Variants in RANBP2 observed in about 807,000 individuals in gnomAD.
RANBP2 encodes RAN binding protein 2, also known as E3 SUMO-protein ligase RanBP2.
A neutral mutation model predicts 303.6 loss-of-function variants in RANBP2; 57 were observed. The observed-to-expected ratio is 0.19, with a 90% CI of 0.15 to 0.23. The LOEUF is 0.23. Ranked by LOEUF, RANBP2 falls within the 10% of genes least tolerant of loss-of-function variation. RANBP2 has a pLI of 1.00. For missense variants in RANBP2, 3,138 were observed against 3,780.8 expected, an observed-to-expected ratio of 0.83 and a Z score of 4.46; for synonymous variants, 1,167 against 1,301.5, an observed-to-expected ratio of 0.90 and a Z score of 2.23.
the RANBP2 span, among the ~76,000 whole-genome samples, chr2:109,408,803 G>A: frequency 6.6e-6 from 1 of 152,238 alleles, no homozygotes; most frequent in African/African-American, 2.4e-5. Context: ...GATGAATATT[G>A]TGCCTTTTAT....
chr2:109,536,388 CTTTAAGA>C, the RANBP2 span, among the ~76,000 whole-genome samples: 1 of 152,210 alleles, frequency 6.6e-6, no homozygotes, highest in Non-Finnish European at 1.5e-5. Context: ...CGTTTTGGAG[CTTTAAGA>C]TTTGACTGCC....
the RANBP2 span, among the ~76,000 whole-genome samples, chr2:109,685,975 T>C: frequency 6.6e-6 from 1 of 152,218 alleles, no homozygotes; most frequent in Admixed American, 6.5e-5. Flanking sequence ...TGTTTAAAAA[T>C]GCCTGGAAAA....
At chr2:109,247,011 C>G in the RANBP2 span, among the ~76,000 whole-genome samples, 2 of 152,194 alleles carry the variant, frequency 1.3e-5, no homozygotes, top group Non-Finnish European at 2.9e-5. Context: ...CTGGTCGGAC[C>G]CTCACTTTTT....
At chr2:108,733,608 T>G (rs1695348255) in intron 4 of RANBP2, among the ~76,000 whole-genome samples, 1 of 152,216 alleles carries the variant, frequency 6.6e-6, no homozygotes, top group Non-Finnish European at 1.5e-5. Flanking sequence ...ATTTTAAATA[T>G]TAATCTAAAA....
chr2:109,726,316 A>C, the RANBP2 span, among the ~76,000 whole-genome samples: 4 of 151,990 alleles, frequency 2.6e-5, no homozygotes, highest in African/African-American at 7.2e-5. Context: ...AAGCTGAGGC[A>C]AGAGAATCGC....
the RANBP2 span, chr2:109,251,752 T>TC: frequency 1.7e-6 from 1 of 604,974 alleles, no homozygotes; most frequent in East Asian, 2.8e-5. Context: ...AGACTTTTTG[T>TC]TAAATAAACT....
At chr2:109,491,487 G>A in the RANBP2 span, among the ~76,000 whole-genome samples, 2 of 152,252 alleles carry the variant, frequency 1.3e-5, no homozygotes, top group South Asian at 2.1e-4. Flanking sequence ...CATTCATTTC[G>A]ATGCTTACTA....
At chr2:109,604,694 C>G in the RANBP2 span, 2 of 147,456 alleles carry the variant, frequency 1.4e-5, no homozygotes, top group Non-Finnish European at 3.0e-5. Flanking sequence ...GCCACTCCAG[C>G]CTGGGTGACA....
chr2:109,340,443 A>G, the RANBP2 span, among the ~76,000 whole-genome samples: 1 of 152,186 alleles, frequency 6.6e-6, no homozygotes, highest in African/African-American at 2.4e-5. Flanking sequence ...GAGAAGGTTT[A>G]CACCCAAGGA....
the RANBP2 span, among the ~76,000 whole-genome samples, chr2:109,324,947 C>T: frequency 6.6e-6 from 1 of 152,166 alleles, no homozygotes; most frequent in African/African-American, 2.4e-5. Context: ...ACAGTAATGA[C>T]TAGTATAGAC....
chr2:109,161,810 C>T, the RANBP2 span, among the ~76,000 whole-genome samples: 351 of 152,112 alleles, frequency 2.3e-3, 2 homozygotes, highest in African/African-American at 7.9e-3. Context: ...TTAATCTATT[C>T]ATAGGGGATG....
chr2:108,809,560 T>C, the RANBP2 span, among the ~76,000 whole-genome samples: 1 of 151,978 alleles, frequency 6.6e-6, no homozygotes, highest in East Asian at 1.9e-4. Context: ...GTTAAATTTA[T>C]TCCCAGCTAT....
the RANBP2 span, among the ~76,000 whole-genome samples, chr2:109,526,844 TAGG>T: frequency 6.6e-6 from 1 of 152,120 alleles, no homozygotes; most frequent in Non-Finnish European, 1.5e-5. Context: ...GCTTCCTCTC[TAGG>T]AGACCCTCTC....
the RANBP2 span, among the ~76,000 whole-genome samples, chr2:109,672,948 T>C: frequency 1.3e-5 from 2 of 152,210 alleles, no homozygotes; most frequent in African/African-American, 2.4e-5. Context: ...CCTTTGTTTA[T>C]AGGTTGTTTG....
the RANBP2 span, among the ~76,000 whole-genome samples, chr2:109,025,738 C>T: frequency 2.0e-5 from 3 of 149,190 alleles, no homozygotes; most frequent in Non-Finnish European, 4.4e-5. Context: ...GCAGAGCTTG[C>T]AGTGAGCCGA....
At chr2:109,669,764 C>G in the RANBP2 span, among the ~76,000 whole-genome samples, 1 of 152,172 alleles carries the variant, frequency 6.6e-6, no homozygotes, top group East Asian at 1.9e-4. Context: ...AGGCCTGGAC[C>G]CCTCCCTCAG....
At chr2:109,607,413 C>T in the RANBP2 span, among the ~76,000 whole-genome samples, 1 of 152,096 alleles carries the variant, frequency 6.6e-6, no homozygotes, top group African/African-American at 2.4e-5. Flanking sequence ...ATGGATCATG[C>T]ATTCTCAATG....
the RANBP2 span, among the ~76,000 whole-genome samples, chr2:109,385,258 C>T: frequency 7.2e-5 from 11 of 152,186 alleles, no homozygotes; most frequent in African/African-American, 2.7e-4. Flanking sequence ...AAATTGGAGA[C>T]ATAGTGAAGT....
the RANBP2 span, chr2:108,804,899 C>T: frequency 6.4e-7 from 1 of 1,550,676 alleles, no homozygotes; most frequent in Non-Finnish European, 8.7e-7. Flanking sequence ...CAGCATGATG[C>T]AGAAGTTGAA....
Sources: allele counts gnomAD v4.1 joint callset (sites outside exome capture counted in the v4.1 genomes callset), GRCh38; gene constraint gnomAD v4.1.1; transcripts MANE v1.5; gene names NCBI Gene and HGNC (gene_info 2026-07-23, HGNC 2026-07-21).